The following SORCS1 variants were observed in gnomAD, a reference collection of about 807,000 sequenced individuals.
SORCS1 encodes the protein VPS10 domain-containing receptor SorCS1.
In SORCS1, 60 loss-of-function variants were observed where a neutral mutation model predicts 146.1. The observed-to-expected ratio is 0.41, with a 90% CI of 0.33 to 0.51. SORCS1 has a LOEUF of 0.51. Among genes scored for constraint, SORCS1 ranks in the 20% least tolerant of loss-of-function variants. The pLI, the probability that SORCS1 is intolerant of heterozygous loss-of-function variation, is 0.21. For synonymous variants in SORCS1, 637 were observed against 584.0 expected, an observed-to-expected ratio of 1.09 and a Z score of -1.31; for missense variants, 1,352 against 1,487.6, an observed-to-expected ratio of 0.91 and a Z score of 1.50.
At chr10:106,877,063 T>G (rs1950612890) in intron 2 of SORCS1, among the ~76,000 whole-genome samples, 1 of 152,206 alleles carries the variant, frequency 6.6e-6, no homozygotes, top group Non-Finnish European at 1.5e-5. Flanking sequence ...CTAATGAGAA[T>G]CACTGGTTAT....
chr10:106,577,221 T>G lies in SORCS1; in HGVS notation c.*199A>C. On this transcript the variant is annotated 3_prime_UTR_variant, in exon 26 of 26. Transcript: ENST00000263054. Reference sequence around the variant, plus strand: ...TTGTTTTTTTACTGGCGTCCTCCATTCAAACATTTACATAGGTAGGGATTT... The same window carrying G: ...TTGTTTTTTTACTGGCGTCCTCCATGCAAACATTTACATAGGTAGGGATTT... 6.3e-7 allele frequency: 1 copy of G among 1,580,042 alleles called. No individual in the cohort carries two copies. Among genetic ancestry groups the G allele is most frequent in the Non-Finnish European group, 8.6e-7 (1 of 1,160,416 alleles).
chr10:106,932,696 T>C (rs1953480926), intron 2 of SORCS1, among the ~76,000 whole-genome samples: 1 of 152,230 alleles, frequency 6.6e-6, no homozygotes, highest in African/African-American at 2.4e-5. Flanking sequence ...AAAATGAGCT[T>C]GTCTGCTCTG....
Position 106,607,244 on chromosome 10 carries a change from G to A in SORCS1, c.3087C>T (p.Pro1029=). ...HILVAVLPGL[P]TTAELFVLPY... ...GTAGGACAAAGAGTTCAGCAGTGGT[G>A]GGTAAGCCAGGGAGCACCGCCACCA... Residue 1029 remains proline, a synonymous_variant, in exon 23 of 26, where the codon CCC becomes CCT. Transcript: ENST00000263054. 3.1e-6 allele frequency: 5 copies of A among 1,614,106 alleles called. No homozygotes were observed. The highest frequency in any genetic ancestry group is 1.1e-5 in the South Asian group (1 of 91,078).
intron 8 of SORCS1, among the ~76,000 whole-genome samples, chr10:106,700,964 C>G (rs1387912060): frequency 6.6e-6 from 1 of 152,182 alleles, no homozygotes; most frequent in Non-Finnish European, 1.5e-5. Flanking sequence ...AATTATTGCT[C>G]TCTCTAGGTA....
chr10:106,920,263 C>A (rs1384728599), intron 2 of SORCS1, among the ~76,000 whole-genome samples: 1 of 152,178 alleles, frequency 6.6e-6, no homozygotes, highest in Non-Finnish European at 1.5e-5. Context: ...CAGTGGTAAG[C>A]AAACATGACT....
chr10:106,686,973 C>T (rs1316878775), intron 10 of SORCS1, among the ~76,000 whole-genome samples: 4 of 152,194 alleles, frequency 2.6e-5, no homozygotes, highest in African/African-American at 9.7e-5. Flanking sequence ...AACCCCCTCC[C>T]CTACAAGCCC....
intron 23 of SORCS1, among the ~76,000 whole-genome samples, chr10:106,601,709 G>T (rs1381583674): frequency 6.6e-6 from 1 of 152,146 alleles, no homozygotes; most frequent in Non-Finnish European, 1.5e-5. Flanking sequence ...CAGTGGTGTT[G>T]GGCTCCCTGT....
chr10:107,076,916 T>C (rs1962933921), intron 1 of SORCS1, among the ~76,000 whole-genome samples: 1 of 152,194 alleles, frequency 6.6e-6, no homozygotes, highest in Non-Finnish European at 1.5e-5. Flanking sequence ...TGATTCAATA[T>C]ATTTAACTCC....
intron 2 of SORCS1, among the ~76,000 whole-genome samples, chr10:106,909,229 C>CT (rs1424333057): frequency 1.3e-5 from 2 of 152,232 alleles, no homozygotes; most frequent in African/African-American, 4.8e-5. Context: ...TCCTGGCTGC[C>CT]TGGCTGCCTT....
In SORCS1 at chr10:107,137,856, C is replaced by G. The variant is rs561129794; in HGVS notation, c.558+26113G>C. On this transcript the variant is annotated intron_variant, in intron 1 of 25. Coordinates refer to ENST00000263054, the MANE Select transcript of SORCS1 (RefSeq NM_052918.5). ...CAGCCTGGGCAACAAGAGCGAAACT[C>G]CGTCTCAAAAAAAAAAAAAAAAAAT... Among the ~76,000 whole-genome samples, 620 of 144,368 alleles carry G rather than the reference C, an allele frequency of 4.3e-3. 4 individuals are homozygous for G. Among genetic ancestry groups the G allele is most frequent in the Non-Finnish European group, 6.1e-3 (404 of 66,692 alleles). 94.7% of individuals were successfully genotyped at this position (144,368 alleles called of 152,430 possible).
intron 1 of SORCS1, among the ~76,000 whole-genome samples, chr10:106,967,675 C>T (rs889519581): frequency 3.3e-5 from 5 of 152,082 alleles, no homozygotes; most frequent in Admixed American, 6.6e-5. Flanking sequence ...TTGCGCAAGC[C>T]CATTGTTTTA....
At chr10:106,921,955 G>T (rs1323876586) in intron 2 of SORCS1, among the ~76,000 whole-genome samples, 23 of 152,076 alleles carry the variant, frequency 1.5e-4, no homozygotes, top group Admixed American at 1.5e-3. Context: ...GCTTTCCATC[G>T]TGCTGCATCT....
chr10:106,948,923 T>A (rs4918270), intron 2 of SORCS1, among the ~76,000 whole-genome samples: 2 of 151,814 alleles, frequency 1.3e-5, no homozygotes, highest in Admixed American at 6.6e-5. Context: ...ATCACGCCAC[T>A]GCACTTCAAC....
intron 2 of SORCS1, among the ~76,000 whole-genome samples, chr10:106,854,267 C>G (rs1283292080): frequency 6.6e-6 from 1 of 151,994 alleles, no homozygotes; most frequent in Non-Finnish European, 1.5e-5. Flanking sequence ...AATATAATGA[C>G]TCCAAAGACC....
intron 1 of SORCS1, among the ~76,000 whole-genome samples, chr10:107,003,429 A>AGTGT (rs59467041): frequency 0.019 from 2,711 of 140,490 alleles, 46 homozygotes; most frequent in East Asian, 0.046. Context: ...AATTCCCATA[A>AGTGT]GTGTGTGTGT....
At chr10:106,814,907 T>TC (rs1405625753) in intron 3 of SORCS1, among the ~76,000 whole-genome samples, 4 of 63,370 alleles carry the variant, frequency 6.3e-5, no homozygotes, top group Non-Finnish European at 1.1e-4. Context: ...AGAGCGAGAC[T>TC]CCATCTCAAA....
intron 24 of SORCS1, among the ~76,000 whole-genome samples, chr10:106,580,988 G>A (rs1844869071): frequency 6.6e-6 from 1 of 152,172 alleles, no homozygotes; most frequent in South Asian, 2.1e-4. Context: ...AGGTTTGTGT[G>A]TAAAAGATGG....
intron 3 of SORCS1, among the ~76,000 whole-genome samples, chr10:106,781,929 T>C (rs1860925673): frequency 6.8e-6 from 1 of 147,828 alleles, no homozygotes; most frequent in South Asian, 2.1e-4. Context: ...AAGCACACAC[T>C]GATAGAAATG....
At chr10:106,688,666 T>TAATA (rs780179676) in intron 9 of SORCS1, among the ~76,000 whole-genome samples, 1 of 152,204 alleles carries the variant, frequency 6.6e-6, no homozygotes, top group African/African-American at 2.4e-5. Flanking sequence ...TGGTAAGTAA[T>TAATA]AATAAATAAA....
Sources: gnomAD v4.1 joint callset for allele counts (sites outside exome capture counted in the v4.1 genomes callset) on GRCh38, gnomAD v4.1.1 for gene constraint, MANE v1.5 for transcripts, NCBI Gene and HGNC (gene_info 2026-07-23, HGNC 2026-07-21) for gene names.